Variants in HAT1 observed in about 807,000 individuals in gnomAD.
The protein encoded by HAT1 is histone acetyltransferase type B catalytic subunit.
HAT1 carries 20 observed loss-of-function variants against 56.6 expected under a neutral mutation model. The observed-to-expected ratio is 0.35, with a 90% CI of 0.25 to 0.51. The LOEUF (loss-of-function observed/expected upper bound fraction) is 0.51, where lower values mean the gene tolerates loss of function less well. HAT1 is among the 20% of genes least tolerant of loss of function. HAT1 has a pLI of 0.95. For missense variants in HAT1, 408 were observed against 504.3 expected, an observed-to-expected ratio of 0.81 and a Z score of 1.83; for synonymous variants, 146 against 165.5, an observed-to-expected ratio of 0.88 and a Z score of 0.91.
chr2:171,978,922 CAAA>C (rs3838506), intron 9 of HAT1, among the ~76,000 whole-genome samples: 4 of 69,166 alleles, frequency 5.8e-5, no homozygotes, highest in Non-Finnish European at 2.8e-5. Context: ...CCCATTTCTA[CAAA>C]AAAAAAAAAA....
At chr2:171,940,151 C>CA (rs1479890841) in intron 2 of HAT1, among the ~76,000 whole-genome samples, 1 of 152,214 alleles carries the variant, frequency 6.6e-6, no homozygotes, top group East Asian at 1.9e-4. Context: ...TATACCAACA[C>CA]AAAATGACCA....
chr2:171,946,576 G>A, intron 2 of HAT1, 132 bp from the exon 3 acceptor site: 2 of 634,078 alleles, frequency 3.2e-6, no homozygotes, highest in Non-Finnish European at 5.6e-6. Context: ...ATATAATGGT[G>A]AAATGACACT....
At chr2:171,979,447 G>C (rs767168278) in intron 10 of HAT1, 84 bp downstream of exon 10, 2 of 726,678 alleles carry the variant, frequency 2.8e-6, no homozygotes, top group South Asian at 1.5e-5. Flanking sequence ...GTATATGAGA[G>C]AGTCCAAGTC....
intron 2 of HAT1, among the ~76,000 whole-genome samples, chr2:171,935,085 A>G (rs552839186): frequency 2.0e-5 from 3 of 151,688 alleles, no homozygotes; most frequent in African/African-American, 7.3e-5. Context: ...CGAGGCTGCT[A>G]TGAAAAAAAT....
At chr2:171,944,374 A>G (rs1359351477) in intron 2 of HAT1, among the ~76,000 whole-genome samples, 1 of 152,146 alleles carries the variant, frequency 6.6e-6, no homozygotes, top group Non-Finnish European at 1.5e-5. Flanking sequence ...TTCCTCCTCT[A>G]TCCTCTGTAT....
At position 171,979,323 on chromosome 2, in the gene HAT1, A is replaced by T; in HGVS notation, c.1052A>T (p.Tyr351Phe). 1 of 1,602,232 alleles carries T rather than the reference A, an allele frequency of 6.2e-7. No homozygotes were observed. Among genetic ancestry groups the T allele is most frequent in the Non-Finnish European group, 8.6e-7 (1 of 1,169,340 alleles). ...AGTGATGCCGAACAATACAGAAGCTACAGACTGGATATTAAAAGAAGACTA... is the reference window on the plus strand; with the variant it reads ...AGTGATGCCGAACAATACAGAAGCTTCAGACTGGATATTAAAAGAAGACTA... ...DMSDAEQYRS[Y>F]RLDIKRRLIS... Residue 351 changes from tyrosine to phenylalanine, a missense_variant, in exon 10 of 11, where the codon TAC becomes TTC. Physicochemically the swap from Tyr to Phe is conservative, Grantham distance 22. Transcript: ENST00000264108.
intron 10 of HAT1, among the ~76,000 whole-genome samples, chr2:171,982,239 C>A (rs966301243): frequency 6.6e-6 from 1 of 152,174 alleles, no homozygotes; most frequent in Non-Finnish European, 1.5e-5. Flanking sequence ...TGGCTCATGG[C>A]TGTAATCCCA....
rs77379746 is a variant in HAT1, at chr2:171,973,129, C to G, written c.824-3028C>G. On this transcript the variant is annotated intron_variant, in intron 8 of 10. Coordinates refer to ENST00000264108, the MANE Select transcript of HAT1 (RefSeq NM_003642.4). ...TCACTTGCAGCCTCCATTCTCCACTCTCTTCTTGTGTCTTCTCTGGCCTTC... is the reference window on the plus strand; with the variant it reads ...TCACTTGCAGCCTCCATTCTCCACTGTCTTCTTGTGTCTTCTCTGGCCTTC... Among the ~76,000 whole-genome samples, 219 of 152,248 alleles carry G rather than the reference C, an allele frequency of 1.4e-3. 1 individual carries two copies. Among genetic ancestry groups the G allele is most frequent in the African/African-American group, 5.2e-3 (216 of 41,542 alleles).
chr2:171,950,387 G>T (rs1687277967), intron 3 of HAT1, among the ~76,000 whole-genome samples: 1 of 151,628 alleles, frequency 6.6e-6, no homozygotes, highest in Non-Finnish European at 1.5e-5. Flanking sequence ...TGGCATATTG[G>T]CCAGGCTGGT....
intron 2 of HAT1, 132 bp from the exon 3 acceptor site, chr2:171,946,576 G>T: frequency 1.6e-6 from 1 of 634,078 alleles, no homozygotes. Flanking sequence ...ATATAATGGT[G>T]AAATGACACT....
intron 2 of HAT1, among the ~76,000 whole-genome samples, chr2:171,937,408 A>T (rs1025926937): frequency 2.6e-5 from 4 of 152,088 alleles, no homozygotes; most frequent in Non-Finnish European, 4.4e-5. Flanking sequence ...GGACACAAAG[A>T]TTGGAGGGGA....
Position 171,939,747 on chromosome 2 carries a change from A to G in HAT1, c.113-6961A>G, listed in dbSNP as rs112002209. ...TTTTTTAGCTAGCCAGCATTACTCA[A>G]TGGATGAAATAGTGCGTAGACTCAC... On this transcript the variant is annotated intron_variant, in intron 2 of 10. Transcript: ENST00000264108. 1.7e-3 allele frequency among the ~76,000 whole-genome samples: 265 copies of G among 151,848 alleles called. 3 individuals carry two copies. Among genetic ancestry groups the G allele is most frequent in the African/African-American group, 6.3e-3 (260 of 41,432 alleles).
intron 9 of HAT1, among the ~76,000 whole-genome samples, chr2:171,977,848 T>G (rs562657321): frequency 2.5e-4 from 38 of 151,904 alleles, no homozygotes; most frequent in African/African-American, 9.2e-4. Flanking sequence ...ATAGTACTCA[T>G]TTTTTCAGGT....
intron 9 of HAT1, among the ~76,000 whole-genome samples, chr2:171,977,545 ATATATATATATATTTTTTTTTTTTTT>A (rs1688011492): frequency 7.1e-5 from 1 of 14,062 alleles, no homozygotes; most frequent in Non-Finnish European, 1.3e-4. Context: ...ATATATATAT[ATATATATATATATTTTTTTTTTTTTT>A]TTTTTTTTAA....
intron 8 of HAT1, among the ~76,000 whole-genome samples, chr2:171,968,873 T>C (rs1451740752): frequency 2.6e-5 from 4 of 152,198 alleles, no homozygotes; most frequent in Non-Finnish European, 4.4e-5. Context: ...GATCTCCATT[T>C]GCAATCCAGA....
At chr2:171,955,977 G>A (rs1053465629) in intron 4 of HAT1, among the ~76,000 whole-genome samples, 26 of 152,000 alleles carry the variant, frequency 1.7e-4, no homozygotes, top group African/African-American at 5.3e-4. Flanking sequence ...CCCGGTAGGC[G>A]GAGGTTGCGG....
chr2:171,923,105 C>T (rs1686484355), intron 1 of HAT1: 1 of 152,316 alleles, frequency 6.6e-6, no homozygotes, highest in African/African-American at 2.4e-5. Flanking sequence ...GAACTGCTCC[C>T]TTCTCTTTTA....
chr2:171,952,874 A>G lies in HAT1; in HGVS notation c.189-7A>G, dbSNP rs1687342701. ...TCATTCCATTATTGCTATTTTTTCCATTTCAGTGAAACTGCTTTTGGTTAC... is the reference window on the plus strand; with the variant it reads ...TCATTCCATTATTGCTATTTTTTCCGTTTCAGTGAAACTGCTTTTGGTTAC... On this transcript the variant is annotated splice_polypyrimidine_tract_variant and splice_region_variant and intron_variant, in intron 3 of 10. Coordinates refer to ENST00000264108, the MANE Select transcript of HAT1 (RefSeq NM_003642.4). The G allele has an allele frequency of 1.3e-6, 2 of 1,574,100 alleles. No homozygotes were observed. The highest frequency in any genetic ancestry group is 2.3e-5 in the East Asian group (1 of 44,236).
intron 10 of HAT1, chr2:171,980,041 C>T (rs1381722886): frequency 6.6e-6 from 1 of 152,158 alleles, no homozygotes; most frequent in African/African-American, 2.4e-5. Flanking sequence ...CACTTGAACC[C>T]AAGAGGTGGA....
Sources: gnomAD v4.1 joint callset for allele counts (sites outside exome capture counted in the v4.1 genomes callset) on GRCh38, gnomAD v4.1.1 for gene constraint, MANE v1.5 for transcripts, NCBI Gene and HGNC (gene_info 2026-07-23, HGNC 2026-07-21) for gene names.